TAFA1: variants seen among roughly 807,000 people sequenced by gnomAD.
TAFA1 encodes the protein TAFA chemokine like family member 1.
Under a neutral mutation model 18.5 loss-of-function variants are expected in TAFA1, and 4 were observed. The ratio of observed to expected loss-of-function variants is 0.22; its 90% CI spans 0.11 to 0.49. The LOEUF (loss-of-function observed/expected upper bound fraction) is 0.49, where lower values mean the gene tolerates loss of function less well. Among genes scored for constraint, TAFA1 ranks in the 20% least tolerant of loss-of-function variants. The probability of loss-of-function intolerance (pLI) is 0.98; values close to 1 mark genes in which losing one functional copy is unlikely to be tolerated. For synonymous variants in TAFA1, 56 were observed against 55.2 expected (o/e 1.01, Z -0.06); for missense variants, 147 against 169.0 (o/e 0.87, Z 0.72).
intron 2 of TAFA1, among the ~76,000 whole-genome samples, chr3:68,241,485 A>C (rs1216189794): frequency 6.6e-6 from 1 of 152,192 alleles, no homozygotes; most frequent in Admixed American, 6.5e-5. Context: ...TTTTCAGCTT[A>C]CAAATGAATC....
intron 2 of TAFA1, among the ~76,000 whole-genome samples, chr3:68,325,045 C>T (rs78479488): frequency 0.048 from 7,300 of 152,222 alleles, 211 homozygotes; most frequent in African/African-American, 0.079. Flanking sequence ...GGTCTACTGC[C>T]AGATCTGCTC....
intron 2 of TAFA1, among the ~76,000 whole-genome samples, chr3:68,152,950 A>G (rs1449969831): frequency 6.6e-6 from 1 of 152,214 alleles, no homozygotes; most frequent in African/African-American, 2.4e-5. Flanking sequence ...GAGGGAATGG[A>G]GAGTGGGACC....
At chr3:68,515,378 T>C (rs186035160) in intron 3 of TAFA1, among the ~76,000 whole-genome samples, 20 of 152,276 alleles carry the variant, frequency 1.3e-4, no homozygotes, top group African/African-American at 4.1e-4. Context: ...TATTTGTTTT[T>C]TCCAACAGTG....
rs1390273667 is a variant in TAFA1 at position 68,302,367 on chromosome 3, C to A, written c.119-114913C>A. 2.0e-5 allele frequency among the ~76,000 whole-genome samples: 3 copies of A among 152,172 alleles called. No individual in the cohort carries two copies. The South Asian group carries it at 6.2e-4, about 32-fold the overall frequency. On this transcript the variant is annotated intron_variant, in intron 2 of 4. Transcript: ENST00000478136. ...ATACACATGTCCAGAATGGCACTTC[C>A]CACTCAGAGAATGCCTTTGGTCTCT... is the stretch of plus-strand genomic sequence containing the variant.
At chr3:68,081,164 C>T (rs1427406103) in intron 2 of TAFA1, among the ~76,000 whole-genome samples, 1 of 152,224 alleles carries the variant, frequency 6.6e-6, no homozygotes, top group Non-Finnish European at 1.5e-5. Flanking sequence ...TCATCTCCAT[C>T]AGCTCCTTTA....
In TAFA1 at chr3:68,283,165, A is replaced by C. The variant is rs144202119; in HGVS notation, c.119-134115A>C. 8.6e-3 allele frequency among the ~76,000 whole-genome samples: 1,306 copies of C among 152,316 alleles called. 17 individuals carry two copies. The highest frequency in any genetic ancestry group is 0.03 in the African/African-American group (1,252 of 41,572). ...AGAGAATTAATACTTAAACCAAATA[A>C]GTAAACCCTGCACACAAGCAGGAAT... On this transcript the variant is annotated intron_variant, in intron 2 of 4. Transcript: ENST00000478136.
intron 3 of TAFA1, among the ~76,000 whole-genome samples, chr3:68,461,096 A>C (rs2071768458): frequency 6.6e-6 from 1 of 151,916 alleles, no homozygotes; most frequent in Non-Finnish European, 1.5e-5. Flanking sequence ...AGCTTGACCA[A>C]CATAGTTAAA....
chr3:68,205,972 A>G (rs577375226), intron 2 of TAFA1, among the ~76,000 whole-genome samples: 2 of 152,014 alleles, frequency 1.3e-5, no homozygotes, highest in East Asian at 3.9e-4. Context: ...AGTCACCATG[A>G]CATAGTCACC....
intron 3 of TAFA1, among the ~76,000 whole-genome samples, chr3:68,466,806 T>TC (rs774190326): frequency 6.6e-6 from 1 of 152,126 alleles, no homozygotes; most frequent in Non-Finnish European, 1.5e-5. Flanking sequence ...TTTTCTATTT[T>TC]CCCTAAGTGT....
chr3:68,011,663 G>A (rs1466340356), intron 2 of TAFA1, among the ~76,000 whole-genome samples: 1 of 152,238 alleles, frequency 6.6e-6, no homozygotes, highest in Non-Finnish European at 1.5e-5. Context: ...AACTATGGTC[G>A]CATATTGGCT....
At chr3:68,286,624 T>C (rs2107267547) in intron 2 of TAFA1, among the ~76,000 whole-genome samples, 1 of 152,300 alleles carries the variant, frequency 6.6e-6, no homozygotes, top group Non-Finnish European at 1.5e-5. Flanking sequence ...AAACCATCTC[T>C]TGAATTTCAT....
At chr3:68,290,100 G>A (rs1282577175) in intron 2 of TAFA1, among the ~76,000 whole-genome samples, 1 of 152,108 alleles carries the variant, frequency 6.6e-6, no homozygotes, top group African/African-American at 2.4e-5. Flanking sequence ...AAATAATTTG[G>A]CATATTTGAT....
At chr3:68,181,631 C>A (rs562778085) in intron 2 of TAFA1, among the ~76,000 whole-genome samples, 2 of 152,192 alleles carry the variant, frequency 1.3e-5, no homozygotes, top group African/African-American at 4.8e-5. Flanking sequence ...TATGTGGTTC[C>A]AAATATTCTG....
At chr3:68,158,868 T>C (rs544144411) in intron 2 of TAFA1, among the ~76,000 whole-genome samples, 95 of 152,328 alleles carry the variant, frequency 6.2e-4, no homozygotes, top group African/African-American at 2.1e-3. Context: ...TAAAGAGAAA[T>C]TCTTGTAGTT....
intron 3 of TAFA1, among the ~76,000 whole-genome samples, chr3:68,487,840 A>G (rs2072375576): frequency 6.7e-6 from 1 of 149,590 alleles, no homozygotes; most frequent in African/African-American, 2.4e-5. Context: ...GTGATAAATT[A>G]CACATTCATC....
chr3:68,083,464 A>G (rs945547985), intron 2 of TAFA1, among the ~76,000 whole-genome samples: 2 of 152,220 alleles, frequency 1.3e-5, no homozygotes, highest in African/African-American at 4.8e-5. Context: ...GAGATTATAG[A>G]TGATTTCTTT....
intron 2 of TAFA1, among the ~76,000 whole-genome samples, chr3:68,323,843 TTG>T (rs2106712268): frequency 6.6e-6 from 1 of 152,316 alleles, no homozygotes; most frequent in African/African-American, 2.4e-5. Context: ...GAGTTTTATG[TTG>T]TGTTCCACGT....
chr3:68,417,312 C>A lies in TAFA1; in HGVS notation c.151C>A (p.Arg51=), dbSNP rs766812262. The change falls in exon 3 of 5, where the codon CGA becomes AGA. Residue 51 remains arginine, a synonymous_variant. Transcript: ENST00000478136. ...GGTCEVIAAH[R]CCNKNRIEER... is the part of the protein sequence containing the mutation. ...GACGTGTGAAGTGATAGCAGCACAC[C>A]GATGTTGTAACAAGAATCGCATTGA... 6 of 1,612,940 alleles carry A rather than the reference C, an allele frequency of 3.7e-6. No homozygotes were observed. The highest frequency in any genetic ancestry group is 1.7e-5 in the Admixed American group (1 of 59,916).
At chr3:68,176,872 C>A (rs1457837244) in intron 2 of TAFA1, among the ~76,000 whole-genome samples, 2 of 151,894 alleles carry the variant, frequency 1.3e-5, no homozygotes, top group African/African-American at 2.4e-5. Context: ...AAAAGCTCAA[C>A]CTGGGAGTAG....
Sources: allele counts gnomAD v4.1 joint callset (sites outside exome capture counted in the v4.1 genomes callset), GRCh38; gene constraint gnomAD v4.1.1; transcripts MANE v1.5; gene names NCBI Gene and HGNC (gene_info 2026-07-23, HGNC 2026-07-21).